KCNB2: variants seen among roughly 807,000 people sequenced by gnomAD.
The protein encoded by KCNB2 is delayed rectifier potassium channel protein.
A neutral mutation model predicts 61.5 loss-of-function variants in KCNB2; 15 were observed. The ratio of observed to expected loss-of-function variants is 0.24; its 90% CI spans 0.16 to 0.38. The LOEUF (loss-of-function observed/expected upper bound fraction) is 0.38, where lower values mean the gene tolerates loss of function less well. KCNB2 is among the 10% of genes least tolerant of loss of function. The pLI is 1.00. For synonymous variants in KCNB2, 457 were observed against 446.0 expected (o/e 1.02, Z -0.31); for missense variants, 828 against 1,125.2 (o/e 0.74, Z 3.78).
chr8:72,747,946 C>T (rs1408789170), intron 2 of KCNB2, among the ~76,000 whole-genome samples: 2 of 152,164 alleles, frequency 1.3e-5, no homozygotes, highest in Non-Finnish European at 2.9e-5. Flanking sequence ...CAGTTTTCTT[C>T]TGTTTAGGAA....
rs1282927966 is a variant in KCNB2, at chr8:72,567,885, A to C, written c.151A>C (p.Arg51=). The change falls in exon 2 of 3, where the codon AGA becomes CGA. Residue 51 remains arginine (R), a synonymous_variant. Transcript: ENST00000523207. ...VGGLNHEVLW[R]TLDRLPRTRL... Reference sequence around the variant, plus strand: ...GGGCCTCAACCACGAAGTCCTGTGGAGAACGCTGGACAGGCTGCCCAGGAC... The same window carrying C: ...GGGCCTCAACCACGAAGTCCTGTGGCGAACGCTGGACAGGCTGCCCAGGAC... 6.2e-7 allele frequency: 1 copy of C among 1,614,086 alleles called. No homozygotes were observed. Among genetic ancestry groups the C allele is most frequent in the Middle Eastern group, 1.7e-4 (1 of 6,060 alleles).
At chr8:72,576,273 T>C (rs909666238) in intron 2 of KCNB2, among the ~76,000 whole-genome samples, 2 of 152,224 alleles carry the variant, frequency 1.3e-5, no homozygotes, top group Admixed American at 6.5e-5. Flanking sequence ...ATCTGCATTA[T>C]GTATAATGTA....
intron 2 of KCNB2, among the ~76,000 whole-genome samples, chr8:72,903,685 A>G (rs1425874686): frequency 2.0e-5 from 3 of 152,214 alleles, no homozygotes; most frequent in Non-Finnish European, 2.9e-5. Flanking sequence ...AAATATTCCA[A>G]TAACTCTAAA....
intron 2 of KCNB2, chr8:72,660,933 A>G (rs920243494): frequency 3.3e-5 from 5 of 152,288 alleles, no homozygotes; most frequent in South Asian, 2.1e-4. Flanking sequence ...ATACTTTCTC[A>G]GCTTTAAGAT....
intron 2 of KCNB2, among the ~76,000 whole-genome samples, chr8:72,658,476 G>A (rs956434829): frequency 1.3e-5 from 2 of 152,174 alleles, no homozygotes; most frequent in Admixed American, 1.3e-4. Context: ...TCATCAAAGT[G>A]CAAGGTGAAG....
intron 2 of KCNB2, among the ~76,000 whole-genome samples, chr8:72,709,810 C>T (rs1313726867): frequency 6.6e-6 from 1 of 152,090 alleles, no homozygotes; most frequent in East Asian, 1.9e-4. Flanking sequence ...CTTGCAGTCT[C>T]CAAGCTTTCT....
intron 2 of KCNB2, among the ~76,000 whole-genome samples, chr8:72,711,261 T>C (rs1807320855): frequency 6.6e-6 from 1 of 152,186 alleles, no homozygotes; most frequent in South Asian, 2.1e-4. Context: ...AACACAACCA[T>C]GGGCAGGCCA....
chr8:72,749,533 C>T (rs1017894299), intron 2 of KCNB2: 1 of 151,678 alleles, frequency 6.6e-6, no homozygotes, highest in Admixed American at 6.6e-5. Flanking sequence ...GTCCTTTGCC[C>T]ATCTCAGCAA....
rs577100564 is a variant in KCNB2 at position 72,687,651 on chromosome 8, A to G, written c.579+119338A>G. On this transcript the variant is annotated intron_variant, in intron 2 of 2. Coordinates refer to ENST00000523207, the MANE Select transcript of KCNB2 (RefSeq NM_004770.3). ...ACTCAATTGTTTCAAATAGTTAAAG[A>G]ATTAGTTGGTTCTTTCAAACTAAAA... Among the ~76,000 whole-genome samples, 3 of 152,270 alleles carry G rather than the reference A, an allele frequency of 2.0e-5. No individual in the cohort carries two copies. In the South Asian group the frequency reaches 6.2e-4, roughly 32 times the overall value.
intron 2 of KCNB2, among the ~76,000 whole-genome samples, chr8:72,890,946 G>A (rs910884740): frequency 6.6e-6 from 1 of 152,158 alleles, no homozygotes; most frequent in African/African-American, 2.4e-5. Flanking sequence ...AGAATCCTAA[G>A]GAATACCAAG....
chr8:72,782,325 A>T (rs1481240321), intron 2 of KCNB2, among the ~76,000 whole-genome samples: 1 of 152,090 alleles, frequency 6.6e-6, no homozygotes, highest in Non-Finnish European at 1.5e-5. Flanking sequence ...TGATAGCAAT[A>T]ACAAGCATAT....
intron 2 of KCNB2, chr8:72,750,345 T>C (rs2128995557): frequency 6.6e-6 from 1 of 152,304 alleles, no homozygotes. Context: ...TTATAAATGA[T>C]TGTTTCTCTT....
intron 2 of KCNB2, among the ~76,000 whole-genome samples, chr8:72,935,631 A>G (rs1806883852): frequency 6.6e-6 from 1 of 152,190 alleles, no homozygotes; most frequent in African/African-American, 2.4e-5. Flanking sequence ...AAGAGAGGAG[A>G]GATAATTACT....
intron 2 of KCNB2, among the ~76,000 whole-genome samples, chr8:72,920,457 C>CTATATA (rs1286454103): frequency 0.015 from 1,012 of 68,368 alleles, 115 homozygotes; most frequent in South Asian, 0.048. Flanking sequence ...ATCTATCTAT[C>CTATATA]TATCTATCTA....
intron 2 of KCNB2, among the ~76,000 whole-genome samples, chr8:72,588,882 C>T (rs1807044015): frequency 6.6e-6 from 1 of 151,994 alleles, no homozygotes; most frequent in Admixed American, 6.6e-5. Flanking sequence ...GGTGACAGAG[C>T]CAGACACCAT....
At chr8:72,714,443 C>G (rs1200235525) in intron 2 of KCNB2, among the ~76,000 whole-genome samples, 1 of 152,236 alleles carries the variant, frequency 6.6e-6, no homozygotes, top group Non-Finnish European at 1.5e-5. Flanking sequence ...GGAAGCCCAT[C>G]AGACTACCAG....
At position 72,603,930 on chromosome 8, in the gene KCNB2, C is replaced by G. The variant is rs182425982; in HGVS notation, c.579+35617C>G. Among the ~76,000 whole-genome samples, 784 of 152,138 alleles carry G rather than the reference C, an allele frequency of 5.2e-3. 7 individuals carry two copies. The highest frequency in any genetic ancestry group is 0.018 in the African/African-American group (753 of 41,508). On this transcript the variant is annotated intron_variant, in intron 2 of 2. Transcript: ENST00000523207. ...GGAATGCCAAGTATTGTGGTGATAC[C>G]AGAATATTGGAGAAAGATATGGTGT...
chr8:72,587,966 T>C (rs1173006047), intron 2 of KCNB2, among the ~76,000 whole-genome samples: 1 of 152,190 alleles, frequency 6.6e-6, no homozygotes, highest in Non-Finnish European at 1.5e-5. Context: ...TAAATGTCCA[T>C]TTGCTTTCAA....
At chr8:72,698,988 C>A (rs1408318426) in intron 2 of KCNB2, among the ~76,000 whole-genome samples, 1 of 152,026 alleles carries the variant, frequency 6.6e-6, no homozygotes, top group East Asian at 1.9e-4. Context: ...GCAACATAAA[C>A]CAAAAACTGA....
Sources: allele counts gnomAD v4.1 joint callset (sites outside exome capture counted in the v4.1 genomes callset), GRCh38; gene constraint gnomAD v4.1.1; transcripts MANE v1.5; gene names NCBI Gene and HGNC (gene_info 2026-07-23, HGNC 2026-07-21).